The following KCNIP4 variants were observed in gnomAD, a reference collection of about 807,000 sequenced individuals.
KCNIP4 encodes the protein potassium voltage-gated channel interacting protein 4.
Under a neutral mutation model 34.0 loss-of-function variants are expected in KCNIP4, and 12 were observed. The ratio of observed to expected loss-of-function variants is 0.35; its 90% CI spans 0.23 to 0.57. The LOEUF (loss-of-function observed/expected upper bound fraction) is 0.57, where lower values mean the gene tolerates loss of function less well. Ranked by LOEUF, KCNIP4 falls within the 20% of genes least tolerant of loss-of-function variation. The probability of loss-of-function intolerance (pLI) is 0.83; values close to 1 mark genes in which losing one functional copy is unlikely to be tolerated. For missense variants in KCNIP4, 238 were observed against 311.7 expected (o/e 0.76, Z 1.78); for synonymous variants, 124 against 102.2 (o/e 1.21, Z -1.29).
At chr4:20,906,708 A>G (rs1265778752) in intron 1 of KCNIP4, among the ~76,000 whole-genome samples, 2 of 152,222 alleles carry the variant, frequency 1.3e-5, no homozygotes, top group Admixed American at 1.3e-4. Context: ...TATACCCTTT[A>G]TGCTCTCTAC....
At chr4:20,789,528 T>G (rs1712452057) in intron 3 of KCNIP4, among the ~76,000 whole-genome samples, 1 of 152,140 alleles carries the variant, frequency 6.6e-6, no homozygotes, top group Admixed American at 6.6e-5. Context: ...CCTTCCTGAA[T>G]CTATGCCCTT....
At position 21,319,179 on chromosome 4, in the gene KCNIP4, C is replaced by A. The variant is rs180872460; in HGVS notation, c.62-436470G>T. On this transcript the variant is annotated intron_variant, in intron 1 of 8. Transcript: ENST00000382152. The stretch of plus-strand genomic sequence containing the variant: ...TGGAAAAGATAAATCTAAAGGGAGC[C>A]AAGACCTGTCTGCTTCCCAAGGTCT... Among the ~76,000 whole-genome samples, 4 of 152,282 alleles carry A rather than the reference C, an allele frequency of 2.6e-5. No homozygotes were observed. The East Asian group carries it at 7.7e-4, about 29-fold the overall frequency.
intron 1 of KCNIP4, among the ~76,000 whole-genome samples, chr4:21,033,723 G>T (rs10019773): frequency 0.025 from 3,763 of 152,152 alleles, 147 homozygotes; most frequent in African/African-American, 0.085. Context: ...TCTATATAAA[G>T]TCTTCTATAA....
chr4:21,240,884 CAA>C (rs200549110), intron 1 of KCNIP4, among the ~76,000 whole-genome samples: 3,130 of 152,196 alleles, frequency 0.021, 50 homozygotes, highest in Non-Finnish European at 0.03. Flanking sequence ...TTTTTCTTCT[CAA>C]AGTCTACTGT....
At chr4:20,930,840 A>T (rs12643684) in intron 1 of KCNIP4, among the ~76,000 whole-genome samples, 20,224 of 149,220 alleles carry the variant, frequency 0.14, 1,863 homozygotes, top group African/African-American at 0.28. Flanking sequence ...GGCTATTATA[A>T]AAAAAAAAAA....
intron 1 of KCNIP4, among the ~76,000 whole-genome samples, chr4:21,537,796 G>T (rs931175116): frequency 2.0e-5 from 3 of 151,888 alleles, no homozygotes; most frequent in Non-Finnish European, 4.4e-5. Flanking sequence ...GCCGGATCAC[G>T]AGGTCAGGAG....
chr4:21,849,008 G>C (rs1011241109), intron 1 of KCNIP4: 1 of 151,108 alleles, frequency 6.6e-6, no homozygotes, highest in Non-Finnish European at 1.5e-5. Context: ...TTGTGAAATA[G>C]GTGATTGGCA....
chr4:21,668,640 C>A (rs964540999), intron 1 of KCNIP4, among the ~76,000 whole-genome samples: 1 of 152,032 alleles, frequency 6.6e-6, no homozygotes, highest in Non-Finnish European at 1.5e-5. Flanking sequence ...GCAATATATA[C>A]AATTCTAACA....
chr4:20,743,642 C>T (rs1751711141), intron 5 of KCNIP4, among the ~76,000 whole-genome samples: 2 of 152,182 alleles, frequency 1.3e-5, no homozygotes, highest in South Asian at 4.2e-4. Context: ...AAGACTTAAA[C>T]ATTAGACCTA....
intron 1 of KCNIP4, among the ~76,000 whole-genome samples, chr4:21,463,891 T>G (rs1469268418): frequency 6.6e-6 from 1 of 152,108 alleles, no homozygotes; most frequent in African/African-American, 2.4e-5. Flanking sequence ...ATTTTACTTG[T>G]AATAAGTTTA....
At chr4:21,456,118 A>G (rs1325633795) in intron 1 of KCNIP4, among the ~76,000 whole-genome samples, 4 of 146,768 alleles carry the variant, frequency 2.7e-5, no homozygotes, top group Admixed American at 6.7e-5. Flanking sequence ...AATTTCTTCT[A>G]TGTCTTCTCT....
chr4:21,638,286 C>T (rs1033377442), intron 1 of KCNIP4, among the ~76,000 whole-genome samples: 7 of 152,094 alleles, frequency 4.6e-5, no homozygotes, highest in Admixed American at 3.9e-4. Context: ...TGGAGTCAGA[C>T]AATTTAAAGG....
chr4:20,901,957 T>C (rs1454508187), intron 1 of KCNIP4, among the ~76,000 whole-genome samples: 1 of 152,164 alleles, frequency 6.6e-6, no homozygotes, highest in Non-Finnish European at 1.5e-5. Flanking sequence ...GTCATTCCTT[T>C]GAATACTATC....
intron 1 of KCNIP4, among the ~76,000 whole-genome samples, chr4:21,237,521 C>G (rs961167783): frequency 1.1e-4 from 16 of 151,962 alleles, no homozygotes; most frequent in African/African-American, 3.6e-4. Context: ...GAATCAAATA[C>G]ACGCAATAAA....
chr4:21,665,764 G>T (rs979134403), intron 1 of KCNIP4, among the ~76,000 whole-genome samples: 1 of 152,048 alleles, frequency 6.6e-6, no homozygotes, highest in Admixed American at 6.6e-5. Context: ...ACTTGTGCTG[G>T]GGCCCAACTA....
At chr4:21,296,962 T>C (rs1763872989) in intron 1 of KCNIP4, among the ~76,000 whole-genome samples, 2 of 151,660 alleles carry the variant, frequency 1.3e-5, no homozygotes, top group Admixed American at 6.6e-5. Flanking sequence ...CCCTCGTGAC[T>C]TGTGTGTGTG....
chr4:21,369,544 C>A (rs951915640), intron 1 of KCNIP4, among the ~76,000 whole-genome samples: 1 of 146,844 alleles, frequency 6.8e-6, no homozygotes, highest in African/African-American at 2.7e-5. Context: ...CTGCAGTGAG[C>A]CATGATTGTA....
At chr4:20,864,587 T>A (rs2149500568) in intron 2 of KCNIP4, among the ~76,000 whole-genome samples, 1 of 152,130 alleles carries the variant, frequency 6.6e-6, no homozygotes, top group South Asian at 2.1e-4. Flanking sequence ...ACTATTCAGC[T>A]GTTCTGCCTC....
intron 1 of KCNIP4, among the ~76,000 whole-genome samples, chr4:20,961,045 A>G (rs1317732481): frequency 1.3e-5 from 2 of 152,328 alleles, no homozygotes; most frequent in African/African-American, 2.4e-5. Context: ...AACTTTCTGA[A>G]TACTGAGGGA....
Sources: gnomAD v4.1 joint callset for allele counts (sites outside exome capture counted in the v4.1 genomes callset) on GRCh38, gnomAD v4.1.1 for gene constraint, MANE v1.5 for transcripts, NCBI Gene and HGNC (gene_info 2026-07-23, HGNC 2026-07-21) for gene names.